Variants in AGAP1 observed in about 807,000 individuals in gnomAD.
AGAP1 encodes the protein ArfGAP with GTPase domain, ankyrin repeat and PH domain 1, also known as arf-GAP with GTPase, ANK repeat and PH domain-containing protein 1.
AGAP1 carries 29 observed loss-of-function variants against 105.3 expected under a neutral mutation model. The ratio of observed to expected loss-of-function variants is 0.28; its 90% CI spans 0.21 to 0.38. The LOEUF is 0.38. Ranked by LOEUF, AGAP1 falls within the 10% of genes least tolerant of loss-of-function variation. The pLI is 1.00. For missense variants in AGAP1, 998 were observed against 1,165.1 expected (o/e 0.86, Z 2.09); for synonymous variants, 509 against 485.9 (o/e 1.05, Z -0.63).
chr2:235,938,290 G>A (rs982743077), intron 12 of AGAP1, among the ~76,000 whole-genome samples: 5 of 152,198 alleles, frequency 3.3e-5, no homozygotes, highest in Admixed American at 2.0e-4. Flanking sequence ...TGGGCCTATC[G>A]CAGCAGCAGG....
chr2:236,116,001 CACT>C (rs1291967437), intron 16 of AGAP1, among the ~76,000 whole-genome samples: 9 of 152,120 alleles, frequency 5.9e-5, no homozygotes, highest in Non-Finnish European at 1.2e-4. Flanking sequence ...GACGGGTTTT[CACT>C]ATGTTGGCCA....
chr2:235,540,332 A>G (rs1293956401), intron 1 of AGAP1, among the ~76,000 whole-genome samples: 1 of 151,880 alleles, frequency 6.6e-6, no homozygotes, highest in Non-Finnish European at 1.5e-5. Context: ...TTGTATTTTT[A>G]GTCAAGACGG....
At chr2:235,935,517 A>C (rs760317729) in intron 12 of AGAP1, among the ~76,000 whole-genome samples, 4 of 152,200 alleles carry the variant, frequency 2.6e-5, no homozygotes, top group Non-Finnish European at 5.9e-5. Flanking sequence ...CCTCTTGTGT[A>C]GATTCTTTAT....
intron 1 of AGAP1, among the ~76,000 whole-genome samples, chr2:235,573,037 TTC>T (rs1410492419): frequency 0.051 from 2,337 of 45,588 alleles, 296 homozygotes; most frequent in African/African-American, 0.19. Flanking sequence ...CTTCTTCTTC[TTC>T]TTCTTCTTCT....
chr2:235,708,288 C>T (rs939284239), intron 1 of AGAP1, among the ~76,000 whole-genome samples: 8 of 152,200 alleles, frequency 5.3e-5, no homozygotes, highest in Admixed American at 2.6e-4. Flanking sequence ...CCAGCCCACT[C>T]GTCATGTGTT....
intron 1 of AGAP1, among the ~76,000 whole-genome samples, chr2:235,536,584 CACACAT>C (rs1943239512): frequency 6.7e-6 from 1 of 149,692 alleles, no homozygotes; most frequent in South Asian, 2.1e-4. Context: ...CCTGCACACA[CACACAT>C]ACACAGCAGG....
chr2:235,686,048 G>A (rs1575124973), intron 1 of AGAP1, among the ~76,000 whole-genome samples: 1 of 152,332 alleles, frequency 6.6e-6, no homozygotes, highest in Admixed American at 6.5e-5. Flanking sequence ...TTTGAATAGA[G>A]TGGGAGGCAG....
intron 12 of AGAP1, among the ~76,000 whole-genome samples, chr2:235,940,289 T>TA (rs2053200360): frequency 6.6e-6 from 1 of 152,120 alleles, no homozygotes. Context: ...CTGTCATTCT[T>TA]ACTTCCCAAA....
chr2:236,037,623 G>C (rs555024220), intron 14 of AGAP1, among the ~76,000 whole-genome samples: 3 of 152,096 alleles, frequency 2.0e-5, no homozygotes, highest in Non-Finnish European at 4.4e-5. Context: ...GCCCAGGCTG[G>C]TCTCAAACTC....
At chr2:236,028,169 G>A (rs1386745850) in intron 13 of AGAP1, among the ~76,000 whole-genome samples, 1 of 152,074 alleles carries the variant, frequency 6.6e-6, no homozygotes, top group Non-Finnish European at 1.5e-5. Flanking sequence ...CCTGAAGCTG[G>A]TGCCCATCAG....
chr2:235,908,609 T>A lies in AGAP1; in HGVS notation c.1156-129T>A, dbSNP rs2051420042. Reference sequence around the variant, plus strand: ...CTATAGATAAAAATCTCATGATTTTTAAAGTACTTTCCACAGTGGAAGGGT... The same window carrying A: ...CTATAGATAAAAATCTCATGATTTTAAAAGTACTTTCCACAGTGGAAGGGT... On this transcript the variant is annotated intron_variant, in intron 10 of 17. Transcript: ENST00000304032. The surrounding 1 kb of genome is among the most constrained non-coding windows in gnomAD (Gnocchi z 4.4). 1 of 771,458 alleles carries A rather than the reference T, an allele frequency of 1.3e-6. No individual in the cohort carries two copies. The highest frequency in any genetic ancestry group is 1.7e-5 in the African/African-American group (1 of 57,444). The allele number at this position is 771,458 out of a possible 1,614,324, so 47.8% of individuals were successfully genotyped here. A position where few individuals can be genotyped will look rare whatever the true frequency, so the allele number is the denominator to read the frequency against.
chr2:236,081,992 A>G (rs1221253620), intron 16 of AGAP1, among the ~76,000 whole-genome samples: 5 of 152,346 alleles, frequency 3.3e-5, no homozygotes, highest in Non-Finnish European at 5.9e-5. Flanking sequence ...ATTTAGAGAC[A>G]GGAAATATAG....
At chr2:235,896,542 C>T (rs1219029797) in intron 10 of AGAP1, among the ~76,000 whole-genome samples, 1 of 152,202 alleles carries the variant, frequency 6.6e-6, no homozygotes, top group Admixed American at 6.5e-5. Context: ...CAGTCCTGAC[C>T]ACAGTGAACT....
chr2:235,576,377 A>T (rs1240523260), intron 1 of AGAP1, among the ~76,000 whole-genome samples: 1 of 151,960 alleles, frequency 6.6e-6, no homozygotes, highest in African/African-American at 2.4e-5. Context: ...TGTGTGTTGT[A>T]CTCAGCACGT....
At chr2:235,679,849 A>G (rs1453184386) in intron 1 of AGAP1, among the ~76,000 whole-genome samples, 1 of 152,242 alleles carries the variant, frequency 6.6e-6, no homozygotes, top group Non-Finnish European at 1.5e-5. Flanking sequence ...GCACTGACAC[A>G]GTATATTGAT....
intron 1 of AGAP1, among the ~76,000 whole-genome samples, chr2:235,543,987 C>A (rs189931136): frequency 2.6e-5 from 4 of 152,292 alleles, no homozygotes; most frequent in Admixed American, 2.6e-4. Context: ...CTGCTGTGGC[C>A]TAGATCGGGT....
intron 6 of AGAP1, among the ~76,000 whole-genome samples, chr2:235,762,723 C>G (rs1012764720): frequency 1.3e-5 from 2 of 152,040 alleles, no homozygotes; most frequent in African/African-American, 4.8e-5. Flanking sequence ...CAAAAAAGAA[C>G]TTAGCTGAGC....
At chr2:235,679,414 A>C (rs987557098) in intron 1 of AGAP1, among the ~76,000 whole-genome samples, 3 of 152,234 alleles carry the variant, frequency 2.0e-5, no homozygotes, top group Non-Finnish European at 4.4e-5. Flanking sequence ...TCCAAGTATA[A>C]GCCAACCTTG....
chr2:236,032,519 C>T (rs2057255556), intron 13 of AGAP1, among the ~76,000 whole-genome samples: 1 of 152,108 alleles, frequency 6.6e-6, no homozygotes, highest in Non-Finnish European at 1.5e-5. Flanking sequence ...AGCCCATGGC[C>T]CCTGGCTGTT....
Sources: allele counts gnomAD v4.1 joint callset (sites outside exome capture counted in the v4.1 genomes callset), GRCh38; gene constraint gnomAD v4.1.1; non-coding constraint Gnocchi (gnomAD v3.1); transcripts MANE v1.5; gene names NCBI Gene and HGNC (gene_info 2026-07-23, HGNC 2026-07-21).